PCSK5: variants seen among roughly 807,000 people sequenced by gnomAD.
PCSK5 encodes the protein proprotein convertase subtilisin/kexin type 5.
A neutral mutation model predicts 233.2 loss-of-function variants in PCSK5; 129 were observed. The ratio of observed to expected loss-of-function variants is 0.55; its 90% CI spans 0.48 to 0.64. The LOEUF is 0.64. PCSK5 is among the 30% of genes least tolerant of loss of function. PCSK5 has a pLI of 0.00. For synonymous variants in PCSK5, 825 were observed against 879.2 expected (o/e 0.94, Z 1.09); for missense variants, 2,076 against 2,430.1 (o/e 0.85, Z 3.06).
intron 4 of PCSK5, among the ~76,000 whole-genome samples, chr9:76,024,576 T>C (rs1330775026): frequency 6.6e-6 from 1 of 152,214 alleles, no homozygotes; most frequent in Admixed American, 6.5e-5. Flanking sequence ...AGCAGAGATG[T>C]CTTTCTTGTC....
intron 24 of PCSK5, among the ~76,000 whole-genome samples, chr9:76,247,861 T>G (rs981159779): frequency 1.3e-5 from 2 of 151,970 alleles, no homozygotes; most frequent in African/African-American, 4.8e-5. Context: ...CTTGGCTCAC[T>G]GCAACCTCCG....
At chr9:76,240,538 C>A in intron 23 of PCSK5, 78 bp from the exon 24 acceptor site, 3 of 986,230 alleles carry the variant, frequency 3.0e-6, no homozygotes, top group Non-Finnish European at 4.7e-6. Context: ...AAGCTACACA[C>A]GAACATATTT....
At chr9:76,047,123 G>A (rs1829444148) in intron 5 of PCSK5, among the ~76,000 whole-genome samples, 1 of 150,652 alleles carries the variant, frequency 6.6e-6, no homozygotes, top group South Asian at 2.1e-4. Context: ...TTGAGACGGA[G>A]TCTTGCTCTG....
At chr9:76,184,864 AC>A (rs1824031160) in intron 17 of PCSK5, 107 bp downstream of exon 17, 2 of 624,018 alleles carry the variant, frequency 3.2e-6, no homozygotes, top group Non-Finnish European at 2.7e-6. Context: ...CTTATGATCT[AC>A]CCTGGGTTTG....
chr9:76,036,241 A>G (rs1269220135), intron 5 of PCSK5, among the ~76,000 whole-genome samples: 1 of 152,178 alleles, frequency 6.6e-6, no homozygotes, highest in Non-Finnish European at 1.5e-5. Flanking sequence ...AGTGTATTTA[A>G]GTATTTGTGT....
intron 20 of PCSK5, among the ~76,000 whole-genome samples, chr9:76,221,568 C>T (rs1825727548): frequency 1.3e-5 from 2 of 152,190 alleles, no homozygotes; most frequent in Non-Finnish European, 2.9e-5. Context: ...ATACAGTAGG[C>T]ATCCATGAAT....
intron 24 of PCSK5, among the ~76,000 whole-genome samples, chr9:76,248,344 A>G (rs1826685562): frequency 6.6e-6 from 1 of 152,218 alleles, no homozygotes; most frequent in African/African-American, 2.4e-5. Context: ...TAGGACAATT[A>G]GAGCATTTTT....
At chr9:76,269,335 T>C (rs987428667) in intron 24 of PCSK5, among the ~76,000 whole-genome samples, 5 of 152,302 alleles carry the variant, frequency 3.3e-5, no homozygotes, top group African/African-American at 1.2e-4. Flanking sequence ...ACATCCAATC[T>C]AAGTGTTCAG....
Position 75,891,212 on chromosome 9 carries a change from G to A in PCSK5, c.31G>A (p.Gly11Arg), listed in dbSNP as rs148069463. 4.0e-6 allele frequency: 6 copies of A among 1,495,260 alleles called. No homozygotes were observed. In the African/African-American group the frequency reaches 7.4e-5, roughly 18 times the overall value. 92.6% of individuals were successfully genotyped at this position (1,495,260 alleles called of 1,614,324 possible). MGWGSRCCCP[G>R]RLDLLCVLAL... Reference sequence around the variant, plus strand: ...CTGGGGGAGCCGCTGCTGCTGCCCGGGACGTTTGGACCTGCTGTGCGTGCT... The same window carrying A: ...CTGGGGGAGCCGCTGCTGCTGCCCGAGACGTTTGGACCTGCTGTGCGTGCT... The change falls in exon 1 of 38, where the codon GGA becomes AGA. Residue 11 changes from glycine (G) to arginine (R), a missense_variant. Physicochemically the swap from Gly to Arg is moderately radical, Grantham distance 125. Coordinates refer to ENST00000674117, the MANE Select transcript of PCSK5 (RefSeq NM_001372043.1).
chr9:76,023,196 A>G (rs1325065163), intron 3 of PCSK5, among the ~76,000 whole-genome samples: 2 of 152,194 alleles, frequency 1.3e-5, no homozygotes, highest in African/African-American at 4.8e-5. Context: ...TATTTAGTTT[A>G]TGCTTTTCCA....
intron 9 of PCSK5, among the ~76,000 whole-genome samples, chr9:76,112,322 A>C (rs1389668464): frequency 2.6e-5 from 4 of 152,152 alleles, no homozygotes; most frequent in African/African-American, 7.2e-5. Flanking sequence ...ATGACCGCAA[A>C]GCCTTTTTCT....
chr9:75,944,966 G>A (rs1824494594), intron 2 of PCSK5, among the ~76,000 whole-genome samples: 3 of 151,804 alleles, frequency 2.0e-5, no homozygotes, highest in African/African-American at 2.4e-5. Flanking sequence ...AAAATTAGCC[G>A]GGTGTAGTGG....
chr9:75,911,948 T>G (rs1484019614), intron 1 of PCSK5, among the ~76,000 whole-genome samples: 3 of 152,204 alleles, frequency 2.0e-5, no homozygotes, highest in African/African-American at 7.2e-5. Flanking sequence ...ATTTCATCTC[T>G]TGATAGAAGG....
chr9:76,327,366 CA>C (rs1829395541), intron 32 of PCSK5, among the ~76,000 whole-genome samples: 1 of 152,092 alleles, frequency 6.6e-6, no homozygotes, highest in Non-Finnish European at 1.5e-5. Flanking sequence ...CTTGGCCTCC[CA>C]AAGTGCTAGG....
At chr9:76,222,562 C>G (rs1285774373) in intron 20 of PCSK5, among the ~76,000 whole-genome samples, 1 of 152,180 alleles carries the variant, frequency 6.6e-6, no homozygotes, top group Non-Finnish European at 1.5e-5. Context: ...ACTTTTACTA[C>G]TCCAGTTACC....
At chr9:76,165,813 T>TACC (rs1823063690) in intron 12 of PCSK5, among the ~76,000 whole-genome samples, 2 of 152,264 alleles carry the variant, frequency 1.3e-5, no homozygotes, top group Admixed American at 6.5e-5. Flanking sequence ...TCTGATCTCT[T>TACC]CACTGTTGGC....
chr9:75,913,881 T>G (rs964122253), intron 1 of PCSK5, among the ~76,000 whole-genome samples: 1 of 152,172 alleles, frequency 6.6e-6, no homozygotes, highest in African/African-American at 2.4e-5. Context: ...TGCCAAATTA[T>G]GTATATAGAA....
intron 7 of PCSK5, among the ~76,000 whole-genome samples, chr9:76,082,967 G>A (rs904916855): frequency 1.3e-5 from 2 of 151,994 alleles, no homozygotes; most frequent in Non-Finnish European, 2.9e-5. Flanking sequence ...ACAGCACTCT[G>A]GGAGGCCAAG....
chr9:76,073,970 A>G (rs981796066), intron 7 of PCSK5, among the ~76,000 whole-genome samples: 1 of 152,170 alleles, frequency 6.6e-6, no homozygotes, highest in South Asian at 2.1e-4. Context: ...TTATTCCAAC[A>G]CATGAGGAAG....
Sources: allele counts gnomAD v4.1 joint callset (sites outside exome capture counted in the v4.1 genomes callset), GRCh38; gene constraint gnomAD v4.1.1; transcripts MANE v1.5; gene names NCBI Gene and HGNC (gene_info 2026-07-23, HGNC 2026-07-21).